Variants in DLG1 observed in about 807,000 individuals in gnomAD.
DLG1 encodes discs large MAGUK scaffold protein 1.
DLG1 carries 42 observed loss-of-function variants against 123.4 expected under a neutral mutation model. The observed-to-expected ratio is 0.34, with a 90% CI of 0.27 to 0.44. The LOEUF (loss-of-function observed/expected upper bound fraction) is 0.44. Among genes scored for constraint, DLG1 ranks in the 20% least tolerant of loss-of-function variants. The probability of loss-of-function intolerance (pLI) is 1.00; values close to 1 mark genes in which losing one functional copy is unlikely to be tolerated. For synonymous variants in DLG1, 317 were observed against 356.2 expected, an observed-to-expected ratio of 0.89 and a Z score of 1.24; for missense variants, 942 against 1,082.6, an observed-to-expected ratio of 0.87 and a Z score of 1.82.
chr3:197,134,012 G>C (rs980726170), intron 10 of DLG1, among the ~76,000 whole-genome samples: 41 of 152,190 alleles, frequency 2.7e-4, no homozygotes, highest in African/African-American at 9.6e-4. Flanking sequence ...ACCAAAGCCA[G>C]TTCTAGAGAA....
chr3:197,159,097 T>A (rs1797721238), intron 5 of DLG1, among the ~76,000 whole-genome samples: 1 of 152,110 alleles, frequency 6.6e-6, no homozygotes, highest in Non-Finnish European at 1.5e-5. Context: ...GTTGAGTAAT[T>A]TCCACACCAT....
chr3:197,116,078 G>A lies in DLG1; in HGVS notation c.1292C>T (p.Pro431Leu). The change falls in exon 13 of 25, where the codon CCT (proline) becomes CTT (leucine). Residue 431 changes from proline to leucine, a missense_variant. Physicochemically the swap from Pro to Leu is moderately conservative, Grantham distance 98. Transcript: ENST00000667157. ...VLGDDEITREPRKVVLHRGST... is the reference protein window; with the variant it reads ...VLGDDEITRELRKVVLHRGST... The stretch of plus-strand genomic sequence containing the variant: ...GCCACGATGAAGAACAACTTTTCTA[G>A]GTTCCCTAAAAATTAAAAAAAATTG... 1.3e-6 allele frequency: 2 copies of A among 1,586,928 alleles called. No homozygotes were observed. The highest frequency in any genetic ancestry group is 1.9e-5 in the Admixed American group (1 of 52,184).
chr3:197,070,810 G>C (rs976654728), intron 18 of DLG1: 1 of 151,846 alleles, frequency 6.6e-6, no homozygotes, highest in Non-Finnish European at 1.5e-5. Flanking sequence ...GAGCTCACGT[G>C]ATCTGTCTGC....
At chr3:197,126,454 C>T (rs928046585) in intron 11 of DLG1, among the ~76,000 whole-genome samples, 4 of 150,236 alleles carry the variant, frequency 2.7e-5, no homozygotes, top group African/African-American at 9.8e-5. Context: ...GCAACAAGAG[C>T]GAAACTCCAT....
chr3:197,198,123 C>T (rs1723511471), intron 4 of DLG1, among the ~76,000 whole-genome samples: 1 of 97,704 alleles, frequency 1.0e-5, no homozygotes, highest in Non-Finnish European at 2.2e-5. Flanking sequence ...TTGGACTCAT[C>T]AAAACAAAAC....
chr3:197,251,929 A>G (rs1561695047), intron 4 of DLG1, among the ~76,000 whole-genome samples: 2 of 152,240 alleles, frequency 1.3e-5, no homozygotes, highest in East Asian at 3.8e-4. Context: ...TGCCCAGTAC[A>G]TGGTAAGATT....
intron 24 of DLG1, among the ~76,000 whole-genome samples, 185 bp from the exon 25 acceptor site, chr3:197,044,914 A>G (rs1301209075): frequency 6.6e-6 from 1 of 152,214 alleles, no homozygotes; most frequent in Non-Finnish European, 1.5e-5. Context: ...TATATAGTAT[A>G]AAATTTTTAT....
intron 18 of DLG1, 135 bp from the exon 19 acceptor site, chr3:197,069,395 CGTTTAA>C (rs549060534): frequency 1.1e-4 from 56 of 496,356 alleles, no homozygotes; most frequent in African/African-American, 9.6e-4. Context: ...TTCTTTGAAA[CGTTTAA>C]GTTTTTCAAA....
At chr3:197,108,433 TTG>T (rs1767834449) in intron 13 of DLG1, among the ~76,000 whole-genome samples, 1 of 152,184 alleles carries the variant, frequency 6.6e-6, no homozygotes, top group African/African-American at 2.4e-5. Context: ...CCTGGGATTT[TTG>T]TGTTTTGTTA....
At chr3:197,063,454 T>C (rs1173218934) in intron 22 of DLG1, among the ~76,000 whole-genome samples, 1 of 152,180 alleles carries the variant, frequency 6.6e-6, no homozygotes, top group African/African-American at 2.4e-5. Flanking sequence ...TGATTTACCT[T>C]TCCTGTGCTT....
At position 197,102,172 on chromosome 3, in the gene DLG1, A is replaced by G. The variant is rs868507351; in HGVS notation, c.1546+2731T>C. Among the ~76,000 whole-genome samples, 102 of 152,340 alleles carry G rather than the reference A, an allele frequency of 6.7e-4. 1 individual carries two copies. Among genetic ancestry groups the G allele is most frequent in the African/African-American group, 1.9e-3 (81 of 41,574 alleles). ...GAGTTAGAAGATAATGTTCCTTCATATGTCTTGTAGAGATTATTTTTTCTC... is the reference window on the plus strand; with the variant it reads ...GAGTTAGAAGATAATGTTCCTTCATGTGTCTTGTAGAGATTATTTTTTCTC... On this transcript the variant is annotated intron_variant, in intron 14 of 24. Coordinates refer to ENST00000667157, the MANE Select transcript of DLG1 (RefSeq NM_001366207.1).
At chr3:197,092,018 A>G (rs1429542174) in intron 14 of DLG1, among the ~76,000 whole-genome samples, 1 of 152,220 alleles carries the variant, frequency 6.6e-6, no homozygotes, top group South Asian at 2.1e-4. Context: ...AAAATTCCAC[A>G]TTAATAATAA....
intron 4 of DLG1, chr3:197,226,140 G>A (rs1351585492): frequency 1.3e-5 from 2 of 152,048 alleles, no homozygotes; most frequent in Non-Finnish European, 2.9e-5. Flanking sequence ...AGATCAGGTC[G>A]GTATACTATG....
At chr3:197,047,715 C>G (rs552239378) in intron 24 of DLG1, among the ~76,000 whole-genome samples, 1 of 152,002 alleles carries the variant, frequency 6.6e-6, no homozygotes, top group African/African-American at 2.4e-5. Flanking sequence ...GCTGGAAAAT[C>G]TGGATATCCA....
At chr3:197,245,909 G>GC (rs1180521912) in intron 4 of DLG1, among the ~76,000 whole-genome samples, 1 of 141,822 alleles carries the variant, frequency 7.1e-6, no homozygotes, top group South Asian at 2.4e-4. Flanking sequence ...TTGGGGGGGG[G>GC]GGAGGTGGCA....
intron 4 of DLG1, among the ~76,000 whole-genome samples, chr3:197,207,790 G>A (rs1414467811): frequency 1.4e-5 from 2 of 146,690 alleles, no homozygotes; most frequent in Non-Finnish European, 3.1e-5. Context: ...AAATAGCAAG[G>A]GGGAAAATGG....
At chr3:197,155,076 A>C (rs1795770451) in intron 5 of DLG1, among the ~76,000 whole-genome samples, 1 of 152,196 alleles carries the variant, frequency 6.6e-6, no homozygotes, top group Non-Finnish European at 1.5e-5. Context: ...AACATCCAAG[A>C]AGCTCAATAA....
chr3:197,175,655 A>G (rs551682552), intron 5 of DLG1, among the ~76,000 whole-genome samples: 1 of 152,226 alleles, frequency 6.6e-6, no homozygotes, highest in Non-Finnish European at 1.5e-5. Context: ...CATTCAACAA[A>G]TATTTATCAA....
At chr3:197,064,562 T>C (rs1242250026) in intron 22 of DLG1, among the ~76,000 whole-genome samples, 1 of 152,052 alleles carries the variant, frequency 6.6e-6, no homozygotes. Flanking sequence ...TTATATCTTA[T>C]TTTTGTGTGA....
Sources: gnomAD v4.1 joint callset for allele counts (sites outside exome capture counted in the v4.1 genomes callset) on GRCh38, gnomAD v4.1.1 for gene constraint, MANE v1.5 for transcripts, NCBI Gene and HGNC (gene_info 2026-07-23, HGNC 2026-07-21) for gene names.